The following LDB2 variants were observed in gnomAD, a reference collection of about 807,000 sequenced individuals.
LDB2 encodes LIM domain-binding protein 2.
In LDB2, 12 loss-of-function variants were observed where a neutral mutation model predicts 44.3. The ratio of observed to expected loss-of-function variants is 0.27; its 90% CI spans 0.17 to 0.44. The LOEUF is 0.44. Ranked by LOEUF, LDB2 falls within the 20% of genes least tolerant of loss-of-function variation. The pLI is 1.00. For missense variants in LDB2, 344 were observed against 473.5 expected (o/e 0.73, Z 2.54); for synonymous variants, 164 against 174.8 (o/e 0.94, Z 0.49).
intron 1 of LDB2, among the ~76,000 whole-genome samples, chr4:16,765,892 T>C (rs1222563578): frequency 6.6e-6 from 1 of 152,166 alleles, no homozygotes; most frequent in African/African-American, 2.4e-5. Context: ...TTGAGCCACC[T>C]TTGGAGTATT....
chr4:16,635,444 A>G (rs1386559163), intron 2 of LDB2, among the ~76,000 whole-genome samples: 2 of 145,694 alleles, frequency 1.4e-5, no homozygotes, highest in Non-Finnish European at 3.0e-5. Flanking sequence ...CAAGACAAGG[A>G]TACCTTGTAT....
At chr4:16,519,984 T>A (rs766076275) in intron 5 of LDB2, among the ~76,000 whole-genome samples, 15 of 151,988 alleles carry the variant, frequency 9.9e-5, no homozygotes, top group Non-Finnish European at 1.8e-4. Flanking sequence ...TTAGGGTCAC[T>A]AGATAACAAT....
intron 2 of LDB2, among the ~76,000 whole-genome samples, chr4:16,725,258 ACACG>A (rs1296180912): frequency 6.6e-6 from 1 of 151,990 alleles, no homozygotes; most frequent in African/African-American, 2.4e-5. Flanking sequence ...ACACACACAC[ACACG>A]CACACACACG....
chr4:16,879,195 T>A (rs1481672473), intron 1 of LDB2, among the ~76,000 whole-genome samples: 1 of 152,206 alleles, frequency 6.6e-6, no homozygotes, highest in Non-Finnish European at 1.5e-5. Context: ...ATATTCCCTA[T>A]TGCAATAAAG....
At chr4:16,814,744 G>C (rs889630779) in intron 1 of LDB2, among the ~76,000 whole-genome samples, 1 of 152,196 alleles carries the variant, frequency 6.6e-6, no homozygotes, top group Non-Finnish European at 1.5e-5. Context: ...GCACCTAAGA[G>C]AGTTTTTAAA....
At chr4:16,583,095 G>A (rs1715374051) in intron 5 of LDB2, among the ~76,000 whole-genome samples, 2 of 152,168 alleles carry the variant, frequency 1.3e-5, no homozygotes, top group Admixed American at 6.5e-5. Flanking sequence ...TCCCTCCAAC[G>A]GTGAGAGCTG....
In LDB2 at chr4:16,846,396, G is replaced by C. The variant is rs145375276; in HGVS notation, c.132+51958C>G. On this transcript the variant is annotated intron_variant, in intron 1 of 7. Transcript: ENST00000304523. The stretch of plus-strand genomic sequence containing the variant: ...TAGAAAGCAAAGTACATTCTATCTT[G>C]TCTACCCCTGGTGCTGTTGGTAAGC... Among the ~76,000 whole-genome samples, 163 of 152,286 alleles carry C rather than the reference G, an allele frequency of 1.1e-3. 1 individual carries two copies. The highest frequency in any genetic ancestry group is 3.7e-3 in the African/African-American group (154 of 41,564).
intron 5 of LDB2, among the ~76,000 whole-genome samples, chr4:16,555,601 T>G (rs1739284186): frequency 6.6e-6 from 1 of 152,160 alleles, no homozygotes; most frequent in Non-Finnish European, 1.5e-5. Flanking sequence ...GGAATACCCT[T>G]TCTCTCCTTT....
intron 2 of LDB2, among the ~76,000 whole-genome samples, chr4:16,603,419 C>A (rs1430560597): frequency 1.3e-5 from 2 of 152,148 alleles, no homozygotes; most frequent in Non-Finnish European, 2.9e-5. Context: ...GCAGAAGCAA[C>A]AGCATTAGTT....
chr4:16,703,313 G>C (rs1753897112), intron 2 of LDB2, among the ~76,000 whole-genome samples: 1 of 152,222 alleles, frequency 6.6e-6, no homozygotes. Context: ...GTCGTGGAAG[G>C]AGTTGGGGCA....
intron 2 of LDB2, among the ~76,000 whole-genome samples, chr4:16,642,007 A>G (rs1341510753): frequency 1.3e-5 from 2 of 152,244 alleles, no homozygotes; most frequent in African/African-American, 4.8e-5. Flanking sequence ...ATAAGTATGT[A>G]GAATTATTGC....
At position 16,533,816 on chromosome 4, in the gene LDB2, T is replaced by G. The variant is rs1370594009; in HGVS notation, c.616-21712A>C. Among the ~76,000 whole-genome samples, 1 of 152,222 alleles carries G rather than the reference T, an allele frequency of 6.6e-6. No homozygotes were observed. Among genetic ancestry groups the G allele is most frequent in the Admixed American group, 6.5e-5 (1 of 15,290 alleles). On this transcript the variant is annotated intron_variant, in intron 5 of 7. Coordinates refer to ENST00000304523, the MANE Select transcript of LDB2 (RefSeq NM_001290.5). The surrounding 1 kb of genome is among the most constrained non-coding windows in gnomAD (Gnocchi z 4.1). ...AAATGTATTCAAAGGGAATACAGAT[T>G]AATGCCTCTAAGCAAGAGAGTATTT...
intron 2 of LDB2, among the ~76,000 whole-genome samples, chr4:16,739,717 T>C (rs1441014297): frequency 1.9e-4 from 21 of 112,310 alleles, no homozygotes; most frequent in African/African-American, 7.0e-4. Context: ...TATATATGTA[T>C]ATATACATAT....
intron 2 of LDB2, among the ~76,000 whole-genome samples, chr4:16,742,172 A>G (rs960124229): frequency 6.7e-6 from 1 of 150,070 alleles, no homozygotes; most frequent in Non-Finnish European, 1.5e-5. Flanking sequence ...TTCGGGTTCA[A>G]GCGATTCTCC....
At chr4:16,825,215 A>G (rs577803418) in intron 1 of LDB2, among the ~76,000 whole-genome samples, 8 of 152,320 alleles carry the variant, frequency 5.3e-5, no homozygotes, top group Admixed American at 3.9e-4. Flanking sequence ...AACTTGGAAT[A>G]AACAGCTCCA....
chr4:16,805,934 T>C (rs529449593), intron 1 of LDB2, among the ~76,000 whole-genome samples: 2 of 152,326 alleles, frequency 1.3e-5, no homozygotes, highest in South Asian at 4.1e-4. Context: ...AACCATAGGC[T>C]GTCCTGAAGT....
intron 3 of LDB2, among the ~76,000 whole-genome samples, chr4:16,593,715 G>A (rs566006385): frequency 2.0e-5 from 3 of 152,242 alleles, no homozygotes; most frequent in African/African-American, 7.2e-5. Flanking sequence ...AAGGGAGCTC[G>A]GTTCAGGGGA....
intron 2 of LDB2, among the ~76,000 whole-genome samples, chr4:16,631,347 T>A (rs571880662): frequency 6.6e-6 from 1 of 151,912 alleles, no homozygotes; most frequent in Non-Finnish European, 1.5e-5. Context: ...GGGTAAATAA[T>A]GAAATGAAGG....
intron 5 of LDB2, among the ~76,000 whole-genome samples, chr4:16,568,100 G>T (rs1036038942): frequency 6.6e-6 from 1 of 151,998 alleles, no homozygotes; most frequent in Non-Finnish European, 1.5e-5. Flanking sequence ...TCTTTGACCT[G>T]AAAAAAACAG....
Sources: gnomAD v4.1 joint callset for allele counts (sites outside exome capture counted in the v4.1 genomes callset) on GRCh38, gnomAD v4.1.1 for gene constraint, Gnocchi (gnomAD v3.1) non-coding constraint, MANE v1.5 for transcripts, NCBI Gene and HGNC (gene_info 2026-07-23, HGNC 2026-07-21) for gene names.